Variants in MICAL2 observed in about 807,000 individuals in gnomAD.
MICAL2 encodes [F-actin]-monooxygenase MICAL2.
In MICAL2, 77 loss-of-function variants were observed where a neutral mutation model predicts 127.3. The ratio of observed to expected loss-of-function variants is 0.60; its 90% CI spans 0.50 to 0.73. The LOEUF is 0.73. MICAL2 is among the 30% of genes least tolerant of loss of function. MICAL2 has a pLI of 0.00. For synonymous variants in MICAL2, 570 were observed against 551.1 expected (o/e 1.03, Z -0.48); for missense variants, 1,351 against 1,434.4 (o/e 0.94, Z 0.94).
downstream of MICAL2, among the ~76,000 whole-genome samples, chr11:12,268,172 G>A (rs1863630036): frequency 6.6e-6 from 1 of 152,248 alleles, no homozygotes; most frequent in Non-Finnish European, 1.5e-5. Flanking sequence ...CCTGGAGGAA[G>A]AGAAGTCTGA....
At chr11:12,263,927 A>C (rs1003544587), downstream of MICAL2, 1 of 152,032 alleles carries the variant, frequency 6.6e-6, no homozygotes, top group Non-Finnish European at 1.5e-5. Context: ...TGCGCTGGGC[A>C]CTCTGAAAGG....
intron 33 of MICAL2, among the ~76,000 whole-genome samples, chr11:12,352,545 CTT>C (rs1290117421): frequency 2.0e-5 from 3 of 152,226 alleles, no homozygotes; most frequent in Non-Finnish European, 2.9e-5. Context: ...AATAGGAAAA[CTT>C]TGACATGTGA....
chr11:12,335,135 G>T (rs199975860), intron 32 of MICAL2, among the ~76,000 whole-genome samples: 1 of 145,816 alleles, frequency 6.9e-6, no homozygotes, highest in African/African-American at 2.6e-5. Flanking sequence ...ATTTTTTAAT[G>T]ATTGCCGTTC....
chr11:12,198,542 G>A (rs1860243523), intron 3 of MICAL2, among the ~76,000 whole-genome samples: 1 of 152,156 alleles, frequency 6.6e-6, no homozygotes, highest in South Asian at 2.1e-4. Context: ...AACAGCCAGG[G>A]GCTTCCTGCC....
intron 29 of MICAL2, among the ~76,000 whole-genome samples, chr11:12,297,531 A>T (rs1590727332): frequency 6.6e-6 from 1 of 152,196 alleles, no homozygotes; most frequent in East Asian, 1.9e-4. Flanking sequence ...AGCTTTATAT[A>T]CTAGTTTGAA....
chr11:12,314,064 ATTATAT>A, intron 29 of MICAL2, among the ~76,000 whole-genome samples: 1 of 121,612 alleles, frequency 8.2e-6, no homozygotes, highest in Non-Finnish European at 1.7e-5. Flanking sequence ...TTACTGTATT[ATTATAT>A]TTAAAGTGTC....
At chr11:12,189,580 T>C (rs1346291308) in intron 3 of MICAL2, among the ~76,000 whole-genome samples, 1 of 152,230 alleles carries the variant, frequency 6.6e-6, no homozygotes, top group African/African-American at 2.4e-5. Flanking sequence ...TTCCCTAACC[T>C]ACCTTATCTC....
chr11:12,215,621 T>TTTAAAAC (rs1390015778), intron 7 of MICAL2, among the ~76,000 whole-genome samples: 1 of 152,260 alleles, frequency 6.6e-6, no homozygotes, highest in Non-Finnish European at 1.5e-5. Flanking sequence ...AGCTAAGCTC[T>TTTAAAAC]CATTGCACAG....
chr11:12,164,676 T>G (rs545787218), intron 3 of MICAL2, among the ~76,000 whole-genome samples: 2 of 152,218 alleles, frequency 1.3e-5, no homozygotes, highest in African/African-American at 4.8e-5. Flanking sequence ...AGGTCAATAT[T>G]GAAAAAAACC....
At chr11:12,225,949 G>A (rs977146916) in intron 13 of MICAL2, among the ~76,000 whole-genome samples, 1 of 152,188 alleles carries the variant, frequency 6.6e-6, no homozygotes, top group Non-Finnish European at 1.5e-5. Context: ...AGCCCAGGCA[G>A]CAATAACGTC....
At chr11:12,115,717 AG>A (rs1253325063) in intron 1 of MICAL2, among the ~76,000 whole-genome samples, 2 of 152,140 alleles carry the variant, frequency 1.3e-5, no homozygotes, top group South Asian at 2.1e-4. Context: ...TTTGCTTTTT[AG>A]TACTATTTTT....
intron 5 of MICAL2, chr11:12,208,395 G>A: frequency 2.7e-6 from 1 of 370,652 alleles, no homozygotes; most frequent in Non-Finnish European, 4.9e-6. Flanking sequence ...TTGCTACTTT[G>A]GCAAAGGAAA....
intron 32 of MICAL2, among the ~76,000 whole-genome samples, chr11:12,336,016 G>A (rs1234021886): frequency 1.3e-5 from 2 of 152,150 alleles, no homozygotes; most frequent in African/African-American, 4.8e-5. Flanking sequence ...TGATGGGGAT[G>A]GCATTGAATC....
chr11:12,279,193 G>C (rs1345022590), intron 1 of MICAL2, among the ~76,000 whole-genome samples: 2 of 152,184 alleles, frequency 1.3e-5, no homozygotes, highest in East Asian at 3.8e-4. Context: ...AAGAGGGAGG[G>C]TTTGGTTCTC....
chr11:12,215,152 A>G (rs1855979731), intron 7 of MICAL2, among the ~76,000 whole-genome samples: 2 of 152,234 alleles, frequency 1.3e-5, no homozygotes, highest in South Asian at 4.1e-4. Context: ...AAGCCACTCA[A>G]TATAAATGAG....
intron 4 of MICAL2, 37 bp from the exon 5 acceptor site, chr11:12,207,986 T>A: frequency 6.7e-7 from 1 of 1,495,992 alleles, no homozygotes; most frequent in Non-Finnish European, 9.3e-7. Flanking sequence ...TGTTCAGGTA[T>A]TGCTGTGACA....
chr11:12,305,912 C>T (rs921653218), intron 29 of MICAL2, among the ~76,000 whole-genome samples: 2 of 150,892 alleles, frequency 1.3e-5, no homozygotes, highest in Non-Finnish European at 2.9e-5. Flanking sequence ...TGATTAAAGA[C>T]GTTTGATAGC....
chr11:12,111,140 C>T (rs1367392678), intron 1 of MICAL2, among the ~76,000 whole-genome samples: 1 of 152,216 alleles, frequency 6.6e-6, no homozygotes, highest in African/African-American at 2.4e-5. Context: ...GAGCCTTGCA[C>T]GCCCCGTTCC....
intron 32 of MICAL2, among the ~76,000 whole-genome samples, chr11:12,337,279 T>C (rs1938782089): frequency 6.6e-6 from 1 of 152,240 alleles, no homozygotes; most frequent in South Asian, 2.1e-4. Context: ...AGTTTGTATT[T>C]CTGTGGGATC....
Sources: allele counts gnomAD v4.1 joint callset (sites outside exome capture counted in the v4.1 genomes callset), GRCh38; gene constraint gnomAD v4.1.1; transcripts MANE v1.5; gene names NCBI Gene and HGNC (gene_info 2026-07-23, HGNC 2026-07-21).